ARMC1: variants seen among roughly 807,000 people sequenced by gnomAD.
ARMC1 encodes armadillo repeat containing 1.
A neutral mutation model predicts 31.4 loss-of-function variants in ARMC1; 16 were observed. The observed-to-expected ratio is 0.51, with a 90% CI of 0.34 to 0.77. The LOEUF (loss-of-function observed/expected upper bound fraction) is 0.77. Among genes scored for constraint, ARMC1 ranks in the 30% least tolerant of loss-of-function variants. The pLI is 0.01. For missense variants in ARMC1, 259 were observed against 347.5 expected (o/e 0.75, Z 2.02); for synonymous variants, 114 against 118.9 (o/e 0.96, Z 0.27).
At chr8:65,617,625 A>T (rs1808300102) in intron 3 of ARMC1, among the ~76,000 whole-genome samples, 1 of 152,172 alleles carries the variant, frequency 6.6e-6, no homozygotes, top group Admixed American at 6.5e-5. Flanking sequence ...ATTAAAAAAA[A>T]AAAAATTAAT....
chr8:65,621,348 G>T (rs558442182), intron 3 of ARMC1, among the ~76,000 whole-genome samples: 1 of 152,194 alleles, frequency 6.6e-6, no homozygotes, highest in African/African-American at 2.4e-5. Context: ...CAAAGTGGGG[G>T]TATGCATGCT....
chr8:65,608,664 T>C (rs1808056198), intron 4 of ARMC1, among the ~76,000 whole-genome samples: 1 of 152,026 alleles, frequency 6.6e-6, no homozygotes, highest in Non-Finnish European at 1.5e-5. Context: ...ACCTAGCACT[T>C]TGGGAGGGCA....
chr8:65,623,490 T>C (rs1172478736), intron 2 of ARMC1, among the ~76,000 whole-genome samples: 6 of 150,272 alleles, frequency 4.0e-5, no homozygotes. Context: ...GCACCTGTAA[T>C]CCCAGCTACT....
At chr8:65,630,110 A>C (rs1047787524) in intron 1 of ARMC1, among the ~76,000 whole-genome samples, 10 of 152,186 alleles carry the variant, frequency 6.6e-5, no homozygotes, top group Non-Finnish European at 1.0e-4. Flanking sequence ...GTGCCACTGC[A>C]CTCCAGCCTG....
chr8:65,627,368 C>G lies in ARMC1; in HGVS notation c.31G>C (p.Glu11Gln), dbSNP rs769149389. Residue 11 changes from glutamate (E) to glutamine (Q), a missense_variant, in exon 2 of 7, where the codon GAG (glutamate) becomes CAG (glutamine). Transcript: ENST00000276569. ...TTAACTACCGATAGAGCGTCAGGCTCTTCACTCATGGTGGAAGTGGAAGAA... is the reference window on the plus strand; with the variant it reads ...TTAACTACCGATAGAGCGTCAGGCTGTTCACTCATGGTGGAAGTGGAAGAA... The part of the protein sequence containing the change: MNSSTSTMSE[E>Q]PDALSVVNQL... The G allele has an allele frequency of 8.1e-6, 13 of 1,598,516 alleles. No individual in the cohort carries two copies. In the South Asian group the frequency reaches 1.5e-4, roughly 18 times the overall value.
chr8:65,605,358 AC>A, intron 5 of ARMC1, 21 bp from the exon 6 acceptor site: 2 of 1,613,482 alleles, frequency 1.2e-6, no homozygotes, highest in Middle Eastern at 1.7e-4. Flanking sequence ...ATAAAAAGGA[AC>A]AATTTTGAAA....
intron 2 of ARMC1, among the ~76,000 whole-genome samples, chr8:65,625,479 G>A (rs1206258899): frequency 2.0e-5 from 3 of 152,144 alleles, no homozygotes; most frequent in East Asian, 1.9e-4. Context: ...CTGCAATTAT[G>A]AGAGCCTTCC....
intron 4 of ARMC1, among the ~76,000 whole-genome samples, chr8:65,610,133 T>C (rs1585704511): frequency 1.3e-5 from 2 of 152,136 alleles, no homozygotes; most frequent in African/African-American, 4.8e-5. Flanking sequence ...GATCTCGCCC[T>C]GTCGCCCAGG....
At chr8:65,605,607 C>G (rs1274309413) in intron 4 of ARMC1, 69 bp from the exon 5 acceptor site, 2 of 1,160,854 alleles carry the variant, frequency 1.7e-6, no homozygotes, top group Non-Finnish European at 2.6e-6. Flanking sequence ...GAAAACCAAG[C>G]TATATTTTGG....
In ARMC1 at chr8:65,605,421, C is replaced by T; in HGVS notation, c.582+1G>A. The T allele has an allele frequency of 1.2e-6, 2 of 1,613,820 alleles. No homozygotes were observed. The highest frequency in any genetic ancestry group is 1.7e-6 in the Non-Finnish European group (2 of 1,179,736). Reference sequence around the variant, plus strand: ...CATATTCAGTCTTTTAAAATACTTACCTCAGCTTTCAAATCTGAACGGATT... The same window carrying T: ...CATATTCAGTCTTTTAAAATACTTATCTCAGCTTTCAAATCTGAACGGATT... On this transcript the variant is annotated splice_donor_variant, in intron 5 of 6. Coordinates refer to ENST00000276569, the MANE Select transcript of ARMC1 (RefSeq NM_018120.6). LOFTEE classifies it high-confidence loss of function.
At chr8:65,607,561 A>C (rs928844395) in intron 4 of ARMC1, among the ~76,000 whole-genome samples, 2 of 152,184 alleles carry the variant, frequency 1.3e-5, no homozygotes, top group Non-Finnish European at 1.5e-5. Flanking sequence ...TCCTCCAACT[A>C]TGCTAGCTCC....
intron 6 of ARMC1, 60 bp from the exon 7 acceptor site, chr8:65,604,645 C>T (rs1050725837): frequency 2.1e-5 from 31 of 1,478,324 alleles, no homozygotes; most frequent in Non-Finnish European, 2.6e-5. Flanking sequence ...TTCTAATTAC[C>T]GTGGTTATTC....
intron 3 of ARMC1, among the ~76,000 whole-genome samples, chr8:65,615,521 A>G (rs1016213111): frequency 7.9e-5 from 12 of 152,056 alleles, no homozygotes; most frequent in African/African-American, 2.2e-4. Context: ...CCTGGCCAAC[A>G]TGGCGAAACC....
intron 4 of ARMC1, among the ~76,000 whole-genome samples, chr8:65,610,291 G>T (rs1808105457): frequency 6.6e-6 from 1 of 151,872 alleles, no homozygotes; most frequent in African/African-American, 2.4e-5. Flanking sequence ...TAGAGACGGG[G>T]TTTCACCACG....
chr8:65,629,491 G>A (rs1441718505), intron 1 of ARMC1, among the ~76,000 whole-genome samples: 1 of 152,122 alleles, frequency 6.6e-6, no homozygotes, highest in African/African-American at 2.4e-5. Flanking sequence ...GCACAAGATG[G>A]TGAATATAGT....
chr8:65,629,155 A>G (rs1808581103), intron 1 of ARMC1, among the ~76,000 whole-genome samples: 1 of 141,196 alleles, frequency 7.1e-6, no homozygotes, highest in Admixed American at 7.1e-5. Flanking sequence ...ACTCCATCTC[A>G]AAAAAAAAAA....
At chr8:65,610,888 T>C (rs936533304) in intron 4 of ARMC1, among the ~76,000 whole-genome samples, 1 of 152,140 alleles carries the variant, frequency 6.6e-6, no homozygotes, top group Non-Finnish European at 1.5e-5. Context: ...ACCTGTTTCA[T>C]CTACATTATG....
intron 1 of ARMC1, among the ~76,000 whole-genome samples, chr8:65,630,165 G>A (rs143975680): frequency 5.3e-5 from 8 of 152,068 alleles, no homozygotes; most frequent in Middle Eastern, 3.4e-3. Context: ...GAAAAAAATC[G>A]CTGTGAGTAA....
At chr8:65,621,004 G>A (rs188011498) in intron 3 of ARMC1, among the ~76,000 whole-genome samples, 39 of 152,152 alleles carry the variant, frequency 2.6e-4, no homozygotes, top group Non-Finnish European at 4.3e-4. Flanking sequence ...AGGATGAGGT[G>A]GGAGAATAGC....
Sources: allele counts gnomAD v4.1 joint callset (sites outside exome capture counted in the v4.1 genomes callset), GRCh38; gene constraint gnomAD v4.1.1; transcripts MANE v1.5; gene names NCBI Gene and HGNC (gene_info 2026-07-23, HGNC 2026-07-21).